The following HOXA3 variants were observed in gnomAD, a reference collection of about 807,000 sequenced individuals.
HOXA3 encodes homeobox protein Hox-A3.
In HOXA3, 8 loss-of-function variants were observed where a neutral mutation model predicts 30.3. The observed-to-expected ratio is 0.26, with a 90% CI of 0.15 to 0.48. HOXA3 has a LOEUF of 0.48. Ranked by LOEUF, HOXA3 falls within the 20% of genes least tolerant of loss-of-function variation. The probability of loss-of-function intolerance (pLI) is 0.99; values close to 1 mark genes in which losing one functional copy is unlikely to be tolerated. For missense variants in HOXA3, 653 were observed against 614.4 expected (o/e 1.06, Z -0.66); for synonymous variants, 323 against 273.1 (o/e 1.18, Z -1.80).
intron 4 of HOXA3, among the ~76,000 whole-genome samples, chr7:27,111,015 T>C (rs6461985): frequency 0.15 from 22,594 of 152,136 alleles, 2,137 homozygotes; most frequent in African/African-American, 0.26. Context: ...TGCAAGCTGA[T>C]TCTCAGGAGC....
chr7:27,143,259 C>T (rs1373494696), intron 1 of HOXA3: 2 of 1,608,172 alleles, frequency 1.2e-6, no homozygotes, highest in Non-Finnish European at 8.5e-7. Context: ...TTTTTCCCGC[C>T]GTGGTGGCTG....
chr7:27,124,418 C>T (rs1282004822), intron 3 of HOXA3: 2 of 152,212 alleles, frequency 1.3e-5, no homozygotes, highest in African/African-American at 4.8e-5. Context: ...CGCAGAAAAC[C>T]CAAGCCCGAA....
chr7:27,146,159 A>G (rs996798191), intron 1 of HOXA3, among the ~76,000 whole-genome samples: 2 of 152,198 alleles, frequency 1.3e-5, no homozygotes, highest in African/African-American at 4.8e-5. Flanking sequence ...GCCTCATAGG[A>G]AAACCATTAC....
At chr7:27,142,290 A>C (rs1217599123) in intron 1 of HOXA3, among the ~76,000 whole-genome samples, 1 of 152,116 alleles carries the variant, frequency 6.6e-6, no homozygotes. Flanking sequence ...CAATCTGCCC[A>C]TCTGAGGCTG....
At chr7:27,149,002 C>A (rs1782880669) in intron 1 of HOXA3, among the ~76,000 whole-genome samples, 1 of 152,242 alleles carries the variant, frequency 6.6e-6, no homozygotes, top group South Asian at 2.1e-4. Flanking sequence ...GGAGGGCTGC[C>A]GCCCCTCAGT....
chr7:27,113,949 C>G lies in HOXA3; in HGVS notation c.-120-3189G>C, dbSNP rs1784532049. The G allele has an allele frequency of 6.6e-6, 1 of 151,394 alleles. No homozygotes were observed. 9.4% of individuals were successfully genotyped at this position (151,394 alleles called of 1,614,324 possible). On this transcript the variant is annotated intron_variant, in intron 4 of 5. Transcript: ENST00000612286. This position sits in a 1 kb window ranked among gnomAD's most constrained non-coding sequence, Gnocchi z 4.8. ...AGCAGCCGCGGCCCGGAGATAAGCG[C>G]TAGTGCGGCGCCGGGCTCTGCCTGG...
intron 4 of HOXA3, among the ~76,000 whole-genome samples, chr7:27,118,818 T>C (rs548693560): frequency 3.3e-5 from 5 of 152,234 alleles, no homozygotes; most frequent in African/African-American, 1.2e-4. Context: ...ACAGCGGACT[T>C]CCTCACAGCC....
At chr7:27,137,829 C>T (rs977851225) in intron 2 of HOXA3, among the ~76,000 whole-genome samples, 6 of 152,212 alleles carry the variant, frequency 3.9e-5, no homozygotes, top group African/African-American at 1.4e-4. Context: ...TTCTGTGGTA[C>T]TGGATATGAC....
intron 1 of HOXA3, chr7:27,141,526 GTTT>G (rs5883063): frequency 4.6e-6 from 1 of 216,368 alleles, no homozygotes; most frequent in Non-Finnish European, 9.2e-6. Context: ...CTTTTTGTGT[GTTT>G]TTTTTTCTCT....
intron 2 of HOXA3, chr7:27,129,586 C>T (rs374455430): frequency 4.3e-6 from 7 of 1,609,504 alleles, no homozygotes; most frequent in Non-Finnish European, 1.7e-6. Flanking sequence ...AAACCCAGAA[C>T]CCCGAAATAG....
chr7:27,139,473 C>G (rs1365021918), intron 2 of HOXA3, among the ~76,000 whole-genome samples: 4 of 152,208 alleles, frequency 2.6e-5, no homozygotes, highest in African/African-American at 7.2e-5. Context: ...CCCGCTCTCG[C>G]GAGCTAGCCT....
intron 4 of HOXA3, chr7:27,116,510 T>C (rs1401878654): frequency 6.6e-6 from 1 of 152,268 alleles, no homozygotes; most frequent in Non-Finnish European, 1.5e-5. Context: ...GGACTCACTT[T>C]AGCACTTTCA....
At position 27,147,347 on chromosome 7, in the gene HOXA3, G is replaced by A. The variant is rs772009961; in HGVS notation, c.-494+4941C>T. ...ATCCGCTGCATCCAAGGGTAAACCG[G>A]GCTCGTGTACTTCCGGTCGGCGCCT... On this transcript the variant is annotated intron_variant, in intron 1 of 5. Coordinates refer to ENST00000612286, the MANE Select transcript of HOXA3 (RefSeq NM_153631.3). 4.7e-5 allele frequency: 76 copies of A among 1,614,002 alleles called. 1 individual carries two copies. In the East Asian group the frequency reaches 1.2e-3, roughly 26 times the overall value.
At chr7:27,130,852 C>A (rs1447648575) in intron 2 of HOXA3, 5 of 1,024,930 alleles carry the variant, frequency 4.9e-6, no homozygotes, top group Non-Finnish European at 5.9e-6. Context: ...CCCTTCCCCT[C>A]CCCCCGCTGT....
Position 27,110,346 on chromosome 7 carries a change from G to T in HOXA3, c.295C>A (p.Pro99Thr). The T allele has an allele frequency of 6.6e-7, 1 of 1,507,652 alleles. No individual in the cohort carries two copies. The allele number at this position is 1,507,652 out of a possible 1,614,324, so 93.4% of individuals were successfully genotyped here. Residue 99 changes from proline to threonine, a missense_variant, in exon 5 of 6, where the codon CCC (proline) becomes ACC (threonine). This residue lies in a region of HOXA3 where 320 missense variants were observed against 321.9 expected (regional missense o/e 0.99). Transcript: ENST00000612286. The stretch of plus-strand genomic sequence containing the variant: ...GGCTGAGGCGGCTGTGGGGCAGGGG[G>T]CGCGGCCTGGGGCGGCGGCGGGTGC... ...PLHPPPPQAA[P>T]PAPQPPQPAP...
Position 27,108,460 on chromosome 7 carries a change from A to C in HOXA3, c.787T>G (p.Ser263Ala), listed in dbSNP as rs769217500. ...GGGGGCACGGGGCTGCGACTTGGAG[A>C]CTGGCCCCCCGATGACGTTAGCATG... ...KGMLTSSGGQ[S>A]PSRSPVPPGA... The change falls in exon 6 of 6, where the codon TCT (serine) becomes GCT (alanine). Residue 263 changes from serine (S) to alanine (A), a missense_variant. Physicochemically the swap from Ser to Ala is moderately conservative, Grantham distance 99. Coordinates refer to ENST00000612286, the MANE Select transcript of HOXA3 (RefSeq NM_153631.3). The surrounding 1 kb of genome is among the most constrained non-coding windows in gnomAD (Gnocchi z 5.0). 2 of 1,613,966 alleles carry C rather than the reference A, an allele frequency of 1.2e-6. No individual in the cohort carries two copies. Among genetic ancestry groups the C allele is most frequent in the Non-Finnish European group, 1.7e-6 (2 of 1,179,942 alleles).
intron 1 of HOXA3, chr7:27,143,748 T>G (rs1161377703): frequency 1.4e-6 from 2 of 1,406,770 alleles, no homozygotes; most frequent in African/African-American, 3.0e-5. Context: ...AAATATGGGG[T>G]ACGACTTCGA....
intron 1 of HOXA3, chr7:27,143,816 T>C (rs1328476011): frequency 3.3e-6 from 3 of 896,546 alleles, no homozygotes; most frequent in Non-Finnish European, 4.5e-6. Flanking sequence ...AGAGGTAAAC[T>C]CGTGCACTAA....
chr7:27,144,627 G>A (rs1183788175), intron 1 of HOXA3, among the ~76,000 whole-genome samples: 1 of 152,210 alleles, frequency 6.6e-6, no homozygotes, highest in African/African-American at 2.4e-5. Context: ...CACAGAGGCT[G>A]CCTGGGGTCT....
Sources: gnomAD v4.1 joint callset for allele counts (sites outside exome capture counted in the v4.1 genomes callset) on GRCh38, gnomAD v4.1.1 for gene constraint, gnomAD v4.1.1 regional missense constraint, Gnocchi (gnomAD v3.1) non-coding constraint, MANE v1.5 for transcripts, NCBI Gene and HGNC (gene_info 2026-07-23, HGNC 2026-07-21) for gene names.